Variants in FBXO21 observed in about 807,000 individuals in gnomAD.
The protein encoded by FBXO21 is F-box only protein 21.
A neutral mutation model predicts 76.6 loss-of-function variants in FBXO21; 32 were observed. The observed-to-expected ratio is 0.42, with a 90% confidence interval of 0.32 to 0.56. FBXO21 has a LOEUF of 0.56. Among genes scored for constraint, FBXO21 ranks in the 20% least tolerant of loss-of-function variants. The probability of loss-of-function intolerance (pLI) is 0.16; values close to 1 mark genes in which losing one functional copy is unlikely to be tolerated. For missense variants in FBXO21, 586 were observed against 797.3 expected (o/e 0.73, Z 3.19); for synonymous variants, 328 against 311.5 (o/e 1.05, Z -0.56).
chr12:117,148,493 T>C (rs1015063580), intron 11 of FBXO21, among the ~76,000 whole-genome samples: 3 of 152,160 alleles, frequency 2.0e-5, no homozygotes, highest in Admixed American at 2.0e-4. Flanking sequence ...GGTAGAAAGG[T>C]TGTACCACTT....
Position 117,172,573 on chromosome 12 carries a change from A to G in FBXO21, c.911T>C (p.Met304Thr). ...LIRRTGIPIS[M>T]SLLYLTIARQ... is the part of the protein sequence containing the mutation. ...AGCAATTGTCAAATAGAGCAGAGACATGCTGATTGGGATTCCTGTTCTGCG... is the reference window on the plus strand; with the variant it reads ...AGCAATTGTCAAATAGAGCAGAGACGTGCTGATTGGGATTCCTGTTCTGCG... Residue 304 changes from methionine to threonine, a missense_variant, in exon 7 of 12, where the codon ATG (methionine) becomes ACG (threonine). By Grantham distance (81) the Met-to-Thr change is moderately conservative. Transcript: ENST00000622495. 1 of 1,613,778 alleles carries G rather than the reference A, an allele frequency of 6.2e-7. No homozygotes were observed. The highest frequency in any genetic ancestry group is 8.5e-7 in the Non-Finnish European group (1 of 1,179,684).
intron 4 of FBXO21, among the ~76,000 whole-genome samples, chr12:117,175,963 C>CA (rs1179022527): frequency 6.6e-6 from 1 of 152,134 alleles, no homozygotes. Flanking sequence ...GTGAAATAAA[C>CA]AGAAGATAGG....
chr12:117,161,485 A>G (rs929610844), intron 9 of FBXO21, among the ~76,000 whole-genome samples: 3 of 151,946 alleles, frequency 2.0e-5, no homozygotes, highest in Non-Finnish European at 4.4e-5. Flanking sequence ...GACCTAATTG[A>G]TATTTTGTTA....
intron 11 of FBXO21, 46 bp downstream of exon 11, chr12:117,155,745 A>G: frequency 6.3e-7 from 1 of 1,577,670 alleles, no homozygotes. Context: ...CGTGCGCTGA[A>G]AACACGCCCG....
intron 6 of FBXO21, 45 bp from the exon 7 acceptor site, chr12:117,172,652 G>A (rs775177256): frequency 1.9e-5 from 30 of 1,580,798 alleles, no homozygotes; most frequent in South Asian, 7.9e-5. Context: ...TGAACTATAC[G>A]TTCTCATTCT....
chr12:117,183,179 T>C (rs1030564782), intron 3 of FBXO21, among the ~76,000 whole-genome samples: 11 of 152,164 alleles, frequency 7.2e-5, no homozygotes, highest in Admixed American at 2.6e-4. Flanking sequence ...ATAATATATG[T>C]CTTTACTAGC....
intron 7 of FBXO21, among the ~76,000 whole-genome samples, chr12:117,171,947 C>A (rs1269898272): frequency 6.6e-6 from 1 of 152,206 alleles, no homozygotes; most frequent in Non-Finnish European, 1.5e-5. Context: ...AAATTCTCAT[C>A]AGTCACCAAC....
In FBXO21 at chr12:117,176,840, G is replaced by GA. The variant is rs200793699; in HGVS notation, c.592+679dup. ...CATGACTATGAGATACACTGGAATG[G>GA]AAAAAAAAATCAACAATCTGGTAAA... On this transcript the variant is annotated intron_variant, in intron 4 of 11. Coordinates refer to ENST00000622495, the MANE Select transcript of FBXO21 (RefSeq NM_015002.3). Among the ~76,000 whole-genome samples the GA allele has an allele frequency of 4.8e-3, 723 of 149,906 alleles. 8 individuals carry two copies. The highest frequency in any genetic ancestry group is 0.016 in the African/African-American group (673 of 40,886).
Position 117,166,915 on chromosome 12 carries a change from C to G in FBXO21, c.1176G>C (p.Leu392=), listed in dbSNP as rs779328779. 1 of 1,614,044 alleles carries G rather than the reference C, an allele frequency of 6.2e-7. No individual in the cohort carries two copies. Among genetic ancestry groups the G allele is most frequent in the Non-Finnish European group, 8.5e-7 (1 of 1,180,010 alleles). The change falls in exon 8 of 12, where the codon CTG becomes CTC. Residue 392 remains leucine (L), a synonymous_variant. Transcript: ENST00000622495. ...KKVLQRMVGN[L]LSLGKREGID... is the part of the protein sequence containing the mutation. ...AACCTTACCGCTTCCCCAGGCTTAA[C>G]AGGTTTCCCACCATTCTCTGTAACA...
intron 9 of FBXO21, among the ~76,000 whole-genome samples, chr12:117,160,973 C>G (rs918508512): frequency 1.3e-5 from 2 of 152,076 alleles, no homozygotes; most frequent in African/African-American, 4.8e-5. Context: ...TTTTTGAGCT[C>G]CTATCATGGG....
At position 117,177,513 on chromosome 12, in the gene FBXO21, G is replaced by A; in HGVS notation, c.592+7C>T. 6.2e-7 allele frequency: 1 copy of A among 1,611,312 alleles called. No homozygotes were observed. The highest frequency in any genetic ancestry group is 8.5e-7 in the Non-Finnish European group (1 of 1,178,802). On this transcript the variant is annotated splice_region_variant and intron_variant, in intron 4 of 11. Coordinates refer to ENST00000622495, the MANE Select transcript of FBXO21 (RefSeq NM_015002.3). ...ACTACTGTCCACATATATGGGAAAA[G>A]ACCCACCTTCAAGATACGACTCATA...
At chr12:117,184,695 A>C (rs1956265998) in intron 3 of FBXO21, among the ~76,000 whole-genome samples, 1 of 152,172 alleles carries the variant, frequency 6.6e-6, no homozygotes, top group Non-Finnish European at 1.5e-5. Context: ...AGAGGTTGCC[A>C]AGATCACGCC....
intron 7 of FBXO21, among the ~76,000 whole-genome samples, chr12:117,169,540 G>A (rs1956095915): frequency 1.3e-5 from 2 of 151,682 alleles, no homozygotes; most frequent in African/African-American, 4.8e-5. Flanking sequence ...CTTATCATAT[G>A]AGTAGACACA....
At chr12:117,172,688 C>A in intron 6 of FBXO21, 81 bp from the exon 7 acceptor site, 1 of 1,453,818 alleles carries the variant, frequency 6.9e-7, no homozygotes, top group South Asian at 1.3e-5. Context: ...CATTAGGCAC[C>A]TATTGTGCAT....
chr12:117,187,969 T>A (rs1366068917), intron 2 of FBXO21, among the ~76,000 whole-genome samples: 1 of 152,232 alleles, frequency 6.6e-6, no homozygotes, highest in Non-Finnish European at 1.5e-5. Flanking sequence ...CTATTTGTAT[T>A]CTCCATAGGG....
intron 7 of FBXO21, among the ~76,000 whole-genome samples, chr12:117,171,357 CAAAAAAAAA>C (rs57835444): frequency 1.2e-3 from 64 of 52,666 alleles, no homozygotes; most frequent in Admixed American, 8.1e-3. Flanking sequence ...GACCCTGTCT[CAAAAAAAAA>C]AAAAAAAAAA....
intron 2 of FBXO21, 60 bp from the exon 3 acceptor site, chr12:117,186,631 TCA>T: frequency 4.6e-6 from 5 of 1,096,410 alleles, no homozygotes; most frequent in Non-Finnish European, 6.8e-6. Flanking sequence ...ACTCTCACTC[TCA>T]CAAATTTGAG....
rs562000122 is a variant in FBXO21 at position 117,164,939 on chromosome 12, C to T, written c.1326+546G>A. ...CCACACAGCTCACGGAGGTAAACAC[C>T]GCAGCCTTCTGAAAGGGCATGCTGC... On this transcript the variant is annotated intron_variant, in intron 9 of 11. Transcript: ENST00000622495. Among the ~76,000 whole-genome samples, 12 of 152,288 alleles carry T rather than the reference C, an allele frequency of 7.9e-5. No individual in the cohort carries two copies. In the East Asian group the frequency reaches 1.2e-3, roughly 15 times the overall value.
chr12:117,152,017 C>T (rs1030808992), intron 11 of FBXO21, among the ~76,000 whole-genome samples: 1 of 152,034 alleles, frequency 6.6e-6, no homozygotes, highest in African/African-American at 2.4e-5. Context: ...ACAGGGGGCC[C>T]CTGATGAGAC....
Sources: allele counts gnomAD v4.1 joint callset (sites outside exome capture counted in the v4.1 genomes callset), GRCh38; gene constraint gnomAD v4.1.1; transcripts MANE v1.5; gene names NCBI Gene and HGNC (gene_info 2026-07-23, HGNC 2026-07-21).